The following PLEKHA5 variants were observed in gnomAD, a reference collection of about 807,000 sequenced individuals.
The protein encoded by PLEKHA5 is pleckstrin homology domain-containing family A member 5.
PLEKHA5 carries 55 observed loss-of-function variants against 181.9 expected under a neutral mutation model. The ratio of observed to expected loss-of-function variants is 0.30; its 90% confidence interval spans 0.24 to 0.38. PLEKHA5 has a LOEUF of 0.38. Ranked by LOEUF, PLEKHA5 falls within the 10% of genes least tolerant of loss-of-function variation. The probability of loss-of-function intolerance (pLI) is 1.00; values close to 1 mark genes in which losing one functional copy is unlikely to be tolerated. For synonymous variants in PLEKHA5, 535 were observed against 529.4 expected, an observed-to-expected ratio of 1.01 and a Z score of -0.15; for missense variants, 1,432 against 1,549.5, an observed-to-expected ratio of 0.92 and a Z score of 1.27.
intron 3 of PLEKHA5, among the ~76,000 whole-genome samples, chr12:19,225,715 G>A (rs542460719): frequency 6.6e-6 from 1 of 152,280 alleles, no homozygotes; most frequent in Non-Finnish European, 1.5e-5. Context: ...TTCATTTGTG[G>A]TTTAGATCAG....
chr12:19,129,990 C>T (rs1461812080), intron 1 of PLEKHA5, 61 bp from the exon 2 acceptor site: 2 of 1,475,344 alleles, frequency 1.4e-6, no homozygotes, highest in Admixed American at 2.0e-5. Flanking sequence ...CCTGCAGCCC[C>T]TCGGCTCGCC....
intron 24 of PLEKHA5, among the ~76,000 whole-genome samples, 186 bp downstream of exon 24, chr12:19,347,368 A>AT (rs1333323448): frequency 6.6e-6 from 1 of 151,246 alleles, no homozygotes; most frequent in East Asian, 1.9e-4. Context: ...TGCTATTCTC[A>AT]TTTTTAATAT....
At chr12:19,244,354 C>T (rs1282933043) in intron 3 of PLEKHA5, among the ~76,000 whole-genome samples, 2 of 152,152 alleles carry the variant, frequency 1.3e-5, no homozygotes, top group African/African-American at 2.4e-5. Flanking sequence ...ATACTGAAAA[C>T]ACAAGTTAAA....
At position 19,287,177 on chromosome 12, in the gene PLEKHA5, T is replaced by C. The variant is rs117185771; in HGVS notation, c.1780-296T>C. On this transcript the variant is annotated intron_variant, in intron 12 of 31. Coordinates refer to ENST00000429027, the MANE Select transcript of PLEKHA5 (RefSeq NM_001256470.2). ...CACACCTGGCTAATTTTTTATACTT[T>C]TAGTAGAGAAAGGACAGGGTTTCAC... is the stretch of plus-strand genomic sequence containing the variant. Among the ~76,000 whole-genome samples, 62 of 152,016 alleles carry C rather than the reference T, an allele frequency of 4.1e-4. No individual in the cohort carries two copies. In the East Asian group the frequency reaches 0.011, roughly 27 times the overall value.
chr12:19,138,672 G>A (rs1029775991), intron 3 of PLEKHA5, among the ~76,000 whole-genome samples: 4 of 152,122 alleles, frequency 2.6e-5, no homozygotes, highest in Non-Finnish European at 5.9e-5. Context: ...TGAAGAGGTG[G>A]GAGTTGAGCT....
At chr12:19,215,613 G>C (rs1438483612) in intron 3 of PLEKHA5, among the ~76,000 whole-genome samples, 1 of 152,146 alleles carries the variant, frequency 6.6e-6, no homozygotes, top group East Asian at 1.9e-4. Context: ...CATAAAATAA[G>C]CCATATAAAG....
Position 19,287,528 on chromosome 12 carries a change from T to C in PLEKHA5, c.1835T>C (p.Val612Ala). 1 of 1,607,356 alleles carries C rather than the reference T, an allele frequency of 6.2e-7. No homozygotes were observed. The highest frequency in any genetic ancestry group is 1.1e-5 in the South Asian group (1 of 90,522). Residue 612 changes from valine to alanine, a missense_variant, in exon 13 of 32, where the codon GTT becomes GCT. Physicochemically the swap from Val to Ala is moderately conservative, Grantham distance 64 (BLOSUM62 0). This residue lies in a region of PLEKHA5 where 1,143 missense variants were observed against 1,168.4 expected (regional missense o/e 0.98). Coordinates refer to ENST00000429027, the MANE Select transcript of PLEKHA5 (RefSeq NM_001256470.2). ...SVPAGLTLQS[V>A]SPQSLQGKTP... ...CCAGCTGGCCTGACTTTACAGTCTG[T>C]TAGTCCCCAGAGCCTCCAAGGGAAA...
At chr12:19,317,779 G>A (rs2089406098) in intron 16 of PLEKHA5, among the ~76,000 whole-genome samples, 1 of 151,532 alleles carries the variant, frequency 6.6e-6, no homozygotes, top group Non-Finnish European at 1.5e-5. Flanking sequence ...ATGTCCTTAT[G>A]TAGTTAATAA....
intron 11 of PLEKHA5, among the ~76,000 whole-genome samples, chr12:19,277,061 G>A (rs1592291816): frequency 6.6e-6 from 1 of 152,008 alleles, no homozygotes; most frequent in Admixed American, 6.6e-5. Flanking sequence ...AATGTTGGAT[G>A]GAATGACAGA....
chr12:19,144,092 C>T (rs1179537384), intron 3 of PLEKHA5, among the ~76,000 whole-genome samples: 2 of 152,146 alleles, frequency 1.3e-5, no homozygotes, highest in Non-Finnish European at 2.9e-5. Context: ...GCCTTCATTT[C>T]TCCATAACTG....
chr12:19,266,813 G>A (rs1317377261), intron 8 of PLEKHA5, among the ~76,000 whole-genome samples: 2 of 151,928 alleles, frequency 1.3e-5, no homozygotes, highest in Non-Finnish European at 2.9e-5. Context: ...TTTGGAGGAA[G>A]AGTACTATAA....
intron 29 of PLEKHA5, 120 bp downstream of exon 29, chr12:19,361,826 A>G: frequency 1.2e-6 from 1 of 819,792 alleles, no homozygotes; most frequent in Non-Finnish European, 2.0e-6. Flanking sequence ...GGAGCTATAG[A>G]ATCTTGAGCA....
chr12:19,302,604 C>G (rs979322210), intron 15 of PLEKHA5, among the ~76,000 whole-genome samples: 13 of 151,964 alleles, frequency 8.6e-5, no homozygotes, highest in African/African-American at 3.1e-4. Context: ...ACCATGTTAG[C>G]CAGGCTGGTC....
chr12:19,215,499 A>G (rs954330080), intron 3 of PLEKHA5, among the ~76,000 whole-genome samples: 11 of 152,176 alleles, frequency 7.2e-5, no homozygotes, highest in African/African-American at 2.4e-4. Flanking sequence ...TGCATATAGT[A>G]GTTTGGATAA....
intron 18 of PLEKHA5, 95 bp from the exon 19 acceptor site, chr12:19,322,215 T>C (rs1008747354): frequency 1.4e-6 from 1 of 736,914 alleles, no homozygotes; most frequent in Non-Finnish European, 2.3e-6. Flanking sequence ...CTTTTATTGA[T>C]TGAAATATAG....
chr12:19,268,759 C>T (rs1211957271), intron 8 of PLEKHA5, among the ~76,000 whole-genome samples: 1 of 152,136 alleles, frequency 6.6e-6, no homozygotes, highest in Non-Finnish European at 1.5e-5. Context: ...GTGTTCCTTA[C>T]ATTGATCACA....
intron 10 of PLEKHA5, among the ~76,000 whole-genome samples, chr12:19,273,135 C>G (rs1389562204): frequency 6.6e-6 from 1 of 152,104 alleles, no homozygotes; most frequent in Non-Finnish European, 1.5e-5. Context: ...TCTCAAACAC[C>G]TGATCTTAGG....
intron 20 of PLEKHA5, among the ~76,000 whole-genome samples, chr12:19,324,969 C>G (rs1359234597): frequency 6.6e-6 from 1 of 152,152 alleles, no homozygotes; most frequent in Non-Finnish European, 1.5e-5. Flanking sequence ...TCTTGAAATT[C>G]CGATTTTAGG....
intron 3 of PLEKHA5, among the ~76,000 whole-genome samples, chr12:19,245,043 G>A (rs1341149854): frequency 6.6e-6 from 1 of 152,158 alleles, no homozygotes; most frequent in Non-Finnish European, 1.5e-5. Flanking sequence ...AAGGTAGTGT[G>A]TAGCCAAAAC....
Sources: gnomAD v4.1 joint callset for allele counts (sites outside exome capture counted in the v4.1 genomes callset) on GRCh38, gnomAD v4.1.1 for gene constraint, gnomAD v4.1.1 regional missense constraint, MANE v1.5 for transcripts, NCBI Gene and HGNC (gene_info 2026-07-23, HGNC 2026-07-21) for gene names.